Variants in MAP4K4 observed in about 807,000 individuals in gnomAD.
The protein encoded by MAP4K4 is HPK/GCK-like kinase HGK.
Under a neutral mutation model 189.6 loss-of-function variants are expected in MAP4K4, and 38 were observed. The ratio of observed to expected loss-of-function variants is 0.20; its 90% CI spans 0.15 to 0.26. The LOEUF (loss-of-function observed/expected upper bound fraction) is 0.26, where lower values mean the gene tolerates loss of function less well. Among genes scored for constraint, MAP4K4 ranks in the 10% least tolerant of loss-of-function variants. The pLI is 1.00. For synonymous variants in MAP4K4, 610 were observed against 624.3 expected, an observed-to-expected ratio of 0.98 and a Z score of 0.34; for missense variants, 1,054 against 1,726.9, an observed-to-expected ratio of 0.61 and a Z score of 6.91.
At chr2:101,866,339 TTGGA>T (rs2149957737) in intron 18 of MAP4K4, 85 bp from the exon 19 acceptor site, 2 of 1,288,004 alleles carry the variant, frequency 1.6e-6, no homozygotes, top group East Asian at 4.7e-5. Flanking sequence ...TTTAAAGACA[TTGGA>T]TGGGCACACC....
intron 2 of MAP4K4, among the ~76,000 whole-genome samples, chr2:101,704,158 T>C (rs2040633833): frequency 6.6e-6 from 1 of 152,194 alleles, no homozygotes; most frequent in African/African-American, 2.4e-5. Flanking sequence ...AAATGAATTT[T>C]GTAGAACCAG....
At chr2:101,837,372 C>G in intron 9 of MAP4K4, among the ~76,000 whole-genome samples, 1 of 151,968 alleles carries the variant, frequency 6.6e-6, no homozygotes, top group Non-Finnish European at 1.5e-5. Flanking sequence ...CTGTCCTTGC[C>G]CCCAACACAT....
exon 27 of MAP4K4, chr2:101,877,030 G>T: frequency 6.2e-7 from 1 of 1,614,034 alleles, no homozygotes; most frequent in Non-Finnish European, 8.5e-7. Context: ...GGTACAGAGA[G>T]TGGCCTGATG....
At chr2:101,765,454 C>T (rs2150250628) in intron 2 of MAP4K4, among the ~76,000 whole-genome samples, 1 of 152,268 alleles carries the variant, frequency 6.6e-6, no homozygotes, top group East Asian at 1.9e-4. Flanking sequence ...CTCAGCCTCC[C>T]AAGTAGCTGG....
At chr2:101,837,757 A>G (rs1049496346) in intron 9 of MAP4K4, among the ~76,000 whole-genome samples, 1 of 152,156 alleles carries the variant, frequency 6.6e-6, no homozygotes, top group African/African-American at 2.4e-5. Flanking sequence ...TGCTAAGTTA[A>G]TGCTGTCTTC....
intron 2 of MAP4K4, among the ~76,000 whole-genome samples, chr2:101,730,554 C>T (rs1438073424): frequency 6.6e-6 from 1 of 152,092 alleles, no homozygotes; most frequent in Admixed American, 6.5e-5. Context: ...TTACAGACAC[C>T]AGGTCACTAA....
intron 20 of MAP4K4, 84 bp downstream of exon 20, chr2:101,867,393 A>G (rs911806388): frequency 5.9e-5 from 60 of 1,018,534 alleles, no homozygotes; most frequent in Non-Finnish European, 8.0e-5. Flanking sequence ...AGAGGCCTGC[A>G]GTCTTTTCTG....
chr2:101,857,146 C>T (rs191819271), intron 13 of MAP4K4, among the ~76,000 whole-genome samples: 1 of 152,068 alleles, frequency 6.6e-6, no homozygotes, highest in East Asian at 1.9e-4. Context: ...GATTACAGTT[C>T]GATCATGAGA....
In MAP4K4 at chr2:101,705,393, C is replaced by T. The variant is rs184920090; in HGVS notation, c.123+6855C>T. Among the ~76,000 whole-genome samples the T allele has an allele frequency of 3.3e-5, 5 of 149,606 alleles. No homozygotes were observed. The East Asian group carries it at 9.9e-4, about 30-fold the overall frequency. Reference sequence around the variant, plus strand: ...GTCTGCATCTCCCTGGGTTCCCTGCCCAGCACACTTGTGTTCAGACACAAT... The same window carrying T: ...GTCTGCATCTCCCTGGGTTCCCTGCTCAGCACACTTGTGTTCAGACACAAT... On this transcript the variant is annotated intron_variant, in intron 2 of 32. Coordinates refer to ENST00000324219, the Ensembl canonical transcript of MAP4K4.
intron 16 of MAP4K4, chr2:101,862,094 G>T (rs537034271): frequency 5.9e-5 from 9 of 152,186 alleles, no homozygotes; most frequent in African/African-American, 1.9e-4. Context: ...AATCAGCCGG[G>T]TGTGGTGGCA....
intron 2 of MAP4K4, among the ~76,000 whole-genome samples, chr2:101,714,807 G>T (rs2047536574): frequency 6.6e-6 from 1 of 152,070 alleles, no homozygotes; most frequent in African/African-American, 2.4e-5. Flanking sequence ...TTGTTCCATA[G>T]GCTGCAGTCC....
At chr2:101,761,025 A>G (rs2076150393) in intron 2 of MAP4K4, among the ~76,000 whole-genome samples, 1 of 152,196 alleles carries the variant, frequency 6.6e-6, no homozygotes, top group African/African-American at 2.4e-5. Flanking sequence ...TTTAAAGTGG[A>G]ATGTTTAACA....
chr2:101,829,287 C>T (rs2096509702), intron 5 of MAP4K4, among the ~76,000 whole-genome samples: 1 of 152,120 alleles, frequency 6.6e-6, no homozygotes, highest in Admixed American at 6.5e-5. Flanking sequence ...ACACGGGGAA[C>T]CTAACCCACT....
At chr2:101,864,697 G>A (rs2097766430) in intron 17 of MAP4K4, among the ~76,000 whole-genome samples, 1 of 152,142 alleles carries the variant, frequency 6.6e-6, no homozygotes, top group African/African-American at 2.4e-5. Flanking sequence ...TCATTTAAAT[G>A]TTACAGGAGC....
intron 22 of MAP4K4, chr2:101,870,059 T>G: frequency 3.2e-6 from 2 of 619,634 alleles, no homozygotes; most frequent in South Asian, 4.3e-5. Flanking sequence ...AATTTCAGTT[T>G]GGTATAACTA....
chr2:101,756,090 G>A (rs895757517), intron 2 of MAP4K4, among the ~76,000 whole-genome samples: 16 of 151,528 alleles, frequency 1.1e-4, no homozygotes, highest in African/African-American at 2.9e-4. Context: ...GCAGGCAACC[G>A]CCACCACGTC....
chr2:101,760,518 A>G (rs1207808353), intron 2 of MAP4K4, among the ~76,000 whole-genome samples: 2 of 116,228 alleles, frequency 1.7e-5, no homozygotes, highest in Non-Finnish European at 3.4e-5. Flanking sequence ...ATATATATAT[A>G]TATATGTATA....
intron 3 of MAP4K4, among the ~76,000 whole-genome samples, chr2:101,793,512 T>TC (rs2093275199): frequency 6.7e-6 from 1 of 149,702 alleles, no homozygotes; most frequent in African/African-American, 2.5e-5. Flanking sequence ...TGGTTCCAAC[T>TC]CCAGCAGGAG....
intron 2 of MAP4K4, among the ~76,000 whole-genome samples, chr2:101,702,017 C>T: frequency 6.6e-6 from 1 of 152,092 alleles, no homozygotes; most frequent in East Asian, 1.9e-4. Flanking sequence ...AAGTGCGTGC[C>T]ATCACGTCCA....
Sources: gnomAD v4.1 joint callset for allele counts (sites outside exome capture counted in the v4.1 genomes callset) on GRCh38, gnomAD v4.1.1 for gene constraint, MANE v1.5 for transcripts, NCBI Gene and HGNC (gene_info 2026-07-23, HGNC 2026-07-21) for gene names.